ERP44: variants seen among roughly 807,000 people sequenced by gnomAD.
ERP44 encodes endoplasmic reticulum protein 44.
Under a neutral mutation model 53.4 loss-of-function variants are expected in ERP44, and 25 were observed. The observed-to-expected ratio is 0.47, with a 90% CI of 0.34 to 0.65. ERP44 has a LOEUF of 0.65. ERP44 is among the 30% of genes least tolerant of loss of function. ERP44 has a pLI of 0.01. For missense variants in ERP44, 338 were observed against 493.2 expected, an observed-to-expected ratio of 0.69 and a Z score of 2.98; for synonymous variants, 145 against 161.2, an observed-to-expected ratio of 0.90 and a Z score of 0.76.
intron 10 of ERP44, among the ~76,000 whole-genome samples, chr9:100,004,246 T>G (rs1830405874): frequency 1.3e-5 from 2 of 152,068 alleles, no homozygotes; most frequent in East Asian, 1.9e-4. Context: ...GTCCTAGAAC[T>G]TGGGTCCATG....
intron 2 of ERP44, 111 bp downstream of exon 2, chr9:100,059,989 C>T: frequency 1.1e-6 from 1 of 881,634 alleles, no homozygotes; most frequent in Non-Finnish European, 1.5e-6. Context: ...AGAATGCCAG[C>T]TCTTCATCTG....
intron 1 of ERP44, among the ~76,000 whole-genome samples, chr9:100,063,023 A>G (rs1309311320): frequency 7.0e-6 from 1 of 141,926 alleles, no homozygotes; most frequent in Non-Finnish European, 1.5e-5. Context: ...GCAGTGAGCT[A>G]TGATTGTGCC....
At chr9:100,097,425 A>C (rs1826650014) in intron 1 of ERP44, among the ~76,000 whole-genome samples, 1 of 152,176 alleles carries the variant, frequency 6.6e-6, no homozygotes, top group South Asian at 2.1e-4. Context: ...ATTAGTATCC[A>C]GTCTTCTTAA....
At chr9:99,986,073 T>C (rs887088777) in intron 10 of ERP44, among the ~76,000 whole-genome samples, 30 of 152,232 alleles carry the variant, frequency 2.0e-4, no homozygotes, top group African/African-American at 7.2e-4. Context: ...ACCACCATAC[T>C]GAGCTAAACA....
At position 100,007,700 on chromosome 9, in the gene ERP44, A is replaced by G; in HGVS notation, c.763-11T>C. The G allele has an allele frequency of 7.4e-7, 1 of 1,342,642 alleles. No individual in the cohort carries two copies. Among genetic ancestry groups the G allele is most frequent in the Non-Finnish European group, 1.1e-6 (1 of 932,626 alleles). 83.2% of individuals were successfully genotyped at this position (1,342,642 alleles called of 1,614,324 possible). On this transcript the variant is annotated splice_polypyrimidine_tract_variant and intron_variant, in intron 8 of 11. Transcript: ENST00000262455. ...TTCTTCTGTCAATTCCTGTAGAGAG[A>G]AGCATTCAATGAGAATTATCAGGCT...
At position 99,979,996 on chromosome 9, in the gene ERP44, A is replaced by G. The variant is rs1489968599; in HGVS notation, c.*2616T>C. On this transcript the variant is annotated 3_prime_UTR_variant, in exon 12 of 12. Coordinates refer to ENST00000262455, the MANE Select transcript of ERP44 (RefSeq NM_015051.3). ...CTTTTTCTAGCTTCCCCAACCCCAA[A>G]TGCCTTACTAAAAGAACTTTTTTCT... The G allele has an allele frequency of 1.0e-5, 4 of 398,382 alleles. No individual in the cohort carries two copies. The highest frequency in any genetic ancestry group is 4.4e-6 in the Non-Finnish European group (1 of 226,044). The allele number at this position is 398,382 out of a possible 1,614,324, so 24.7% of individuals were successfully genotyped here.
chr9:100,021,930 T>C (rs1830593845), intron 5 of ERP44, 112 bp downstream of exon 5: 2 of 938,582 alleles, frequency 2.1e-6, no homozygotes, highest in African/African-American at 3.3e-5. Flanking sequence ...TATACGTATG[T>C]CAAATCCACT....
intron 1 of ERP44, among the ~76,000 whole-genome samples, chr9:100,098,561 T>C (rs975399607): frequency 6.6e-6 from 1 of 152,180 alleles, no homozygotes; most frequent in Non-Finnish European, 1.5e-5. Flanking sequence ...TATCAGTCCC[T>C]CAGGGCTAAT....
chr9:100,056,141 T>C (rs1056685781), intron 3 of ERP44, among the ~76,000 whole-genome samples: 1 of 152,188 alleles, frequency 6.6e-6, no homozygotes, highest in East Asian at 1.9e-4. Context: ...GTCGTTCTAG[T>C]TTTTCTTCAG....
intron 7 of ERP44, among the ~76,000 whole-genome samples, chr9:100,017,666 A>C (rs1441220851): frequency 2.6e-5 from 4 of 152,210 alleles, no homozygotes; most frequent in African/African-American, 9.6e-5. Context: ...CATAAATTTC[A>C]ATTTTTTTTG....
At chr9:100,042,989 G>A (rs1825924158) in intron 4 of ERP44, among the ~76,000 whole-genome samples, 1 of 152,074 alleles carries the variant, frequency 6.6e-6, no homozygotes, top group African/African-American at 2.4e-5. Flanking sequence ...GCCGGGCGCA[G>A]TGGCTCATGC....
At chr9:100,050,681 T>C (rs1826027821) in intron 4 of ERP44, among the ~76,000 whole-genome samples, 1 of 152,194 alleles carries the variant, frequency 6.6e-6, no homozygotes, top group Admixed American at 6.5e-5. Context: ...TTCAGAGAGA[T>C]GCATAATACC....
intron 1 of ERP44, among the ~76,000 whole-genome samples, chr9:100,069,969 AG>A (rs1317359975): frequency 6.6e-6 from 1 of 152,238 alleles, no homozygotes; most frequent in East Asian, 1.9e-4. Flanking sequence ...TGACCTTCAA[AG>A]AGTATATTTT....
At chr9:100,011,699 T>G (rs948202609) in intron 8 of ERP44, among the ~76,000 whole-genome samples, 5 of 152,226 alleles carry the variant, frequency 3.3e-5, no homozygotes, top group Admixed American at 3.3e-4. Flanking sequence ...AAGATGCATC[T>G]TAACAATATG....
intron 4 of ERP44, among the ~76,000 whole-genome samples, chr9:100,023,379 GATAA>G (rs888928423): frequency 1.4e-5 from 2 of 145,980 alleles, no homozygotes; most frequent in Admixed American, 6.8e-5. Flanking sequence ...TACTTACAAT[GATAA>G]ATAACCTGAG....
At position 100,020,734 on chromosome 9, in the gene ERP44, G is replaced by A. The variant is rs753506440; in HGVS notation, c.472-3C>T. ...CCAATGATATTTCTTTTGCTGCGCT[G>A]TAAAATAAAGTATGCAATTATTTTG... is the stretch of plus-strand genomic sequence containing the variant. On this transcript the variant is annotated splice_region_variant and splice_polypyrimidine_tract_variant and intron_variant, in intron 5 of 11. Coordinates refer to ENST00000262455, the MANE Select transcript of ERP44 (RefSeq NM_015051.3). The A allele has an allele frequency of 2.8e-6, 4 of 1,424,064 alleles. No homozygotes were observed. Among genetic ancestry groups the A allele is most frequent in the South Asian group, 1.2e-5 (1 of 85,886 alleles). 88.2% of individuals were successfully genotyped at this position (1,424,064 alleles called of 1,614,324 possible).
intron 1 of ERP44, among the ~76,000 whole-genome samples, chr9:100,075,620 C>T (rs1369654592): frequency 6.6e-6 from 1 of 152,222 alleles, no homozygotes; most frequent in Admixed American, 6.5e-5. Flanking sequence ...ATAAATCTGA[C>T]TTAAATTTAG....
intron 1 of ERP44, among the ~76,000 whole-genome samples, chr9:100,095,702 C>G (rs1017445080): frequency 2.7e-4 from 41 of 152,158 alleles, no homozygotes; most frequent in African/African-American, 9.2e-4. Context: ...ACAGATGATT[C>G]TAATGAGCAG....
chr9:99,979,214 G>C lies in ERP44; in HGVS notation c.*3398C>G, dbSNP rs1440720461. The C allele has an allele frequency of 3.6e-5, 5 of 139,766 alleles. No homozygotes were observed. The East Asian group carries it at 1.0e-3, about 28-fold the overall frequency. The allele number at this position is 139,766 out of a possible 1,614,324, so 8.7% of individuals were successfully genotyped here. ...TGCAGTTTCATGTCATTTTATTTTG[G>C]TCCAGCCATATCTCCTTGTAGGAGA... On this transcript the variant is annotated 3_prime_UTR_variant, in exon 12 of 12. Transcript: ENST00000262455.
Sources: gnomAD v4.1 joint callset for allele counts (sites outside exome capture counted in the v4.1 genomes callset) on GRCh38, gnomAD v4.1.1 for gene constraint, MANE v1.5 for transcripts, NCBI Gene and HGNC (gene_info 2026-07-23, HGNC 2026-07-21) for gene names.